Variants in RAI1 observed in about 807,000 individuals in gnomAD.
RAI1 encodes retinoic acid induced 1.
Under a neutral mutation model 123.8 loss-of-function variants are expected in RAI1, and 9 were observed. The ratio of observed to expected loss-of-function variants is 0.07; its 90% CI spans 0.04 to 0.13. RAI1 has a LOEUF of 0.13. Ranked by LOEUF, RAI1 falls within the 10% of genes least tolerant of loss-of-function variation. The pLI is 1.00. For missense variants in RAI1, 2,256 were observed against 2,545.8 expected (o/e 0.89, Z 2.45); for synonymous variants, 1,231 against 1,127.3 (o/e 1.09, Z -1.84).
At chr17:17,807,603 C>G (rs2032619840) in intron 4 of RAI1, among the ~76,000 whole-genome samples, 1 of 152,234 alleles carries the variant, frequency 6.6e-6, no homozygotes, top group African/African-American at 2.4e-5. Context: ...AGGTCAGGAG[C>G]CAGATCACTG....
In RAI1 at chr17:17,809,624, C is replaced by T. The variant is rs937798362; in HGVS notation, c.5709+185C>T. Among the ~76,000 whole-genome samples the T allele has an allele frequency of 4.6e-5, 7 of 152,084 alleles. No individual in the cohort carries two copies. The highest frequency in any genetic ancestry group is 7.4e-5 in the Non-Finnish European group (5 of 67,980). ...GCCGCCGTCCAGCTCAGGTCCCTGT[C>T]CACTTGCGCGCCGCCGCCGCCGAAA... On this transcript the variant is annotated intron_variant, in intron 5 of 5. Transcript: ENST00000353383. This position sits in a 1 kb window ranked among gnomAD's most constrained non-coding sequence, Gnocchi z 4.9.
In RAI1 at chr17:17,797,070, C is replaced by T; in HGVS notation, c.4122C>T (p.Ser1374=). The T allele has an allele frequency of 6.2e-7, 1 of 1,613,960 alleles. No individual in the cohort carries two copies. The highest frequency in any genetic ancestry group is 1.3e-5 in the African/African-American group (1 of 75,048). ...KDRGLKGAGG[S]PVGVEEGLVN... ...GTGGGCTCAAGGGTGCTGGGGGCAG[C>T]CCAGTGGGGGTGGAAGAAGGCCTGG... The change falls in exon 3 of 6, where the codon AGC becomes AGT. Residue 1374 remains serine, a synonymous_variant. Transcript: ENST00000353383.
At chr17:17,792,881 A>G in intron 2 of RAI1, 52 bp from the exon 3 acceptor site, 1 of 304,086 alleles carries the variant, frequency 3.3e-6, no homozygotes, top group Middle Eastern at 7.8e-4. Context: ...CTCCCTGCCC[A>G]TCCTCCCCTC....
In RAI1 at chr17:17,796,529, A is replaced by C; in HGVS notation, c.3581A>C (p.Gln1194Pro). The part of the protein sequence containing the change: ...PATFKVSSSP[Q>P]KEGRVSQRAR... ...ACATTCAAGGTCTCCAGCAGCCCCC[A>C]GAAGGAGGGCAGGGTGAGCCAGCGG... Residue 1194 changes from glutamine to proline, a missense_variant, in exon 3 of 6, where the codon CAG becomes CCG. Around this residue, in one of 7 missense-constraint regions of RAI1, gnomAD observed 322 missense variants for 358.0 expected, o/e 0.90. Transcript: ENST00000353383. The surrounding 1 kb of genome is among the most constrained non-coding windows in gnomAD (Gnocchi z 5.8). The C allele has an allele frequency of 6.2e-7, 1 of 1,611,156 alleles. No individual in the cohort carries two copies.
At chr17:17,774,661 C>T (rs886545528) in intron 2 of RAI1, among the ~76,000 whole-genome samples, 7 of 152,282 alleles carry the variant, frequency 4.6e-5, no homozygotes, top group African/African-American at 1.7e-4. Flanking sequence ...GGCCGCACCT[C>T]CACAGCCAGC....
intron 2 of RAI1, among the ~76,000 whole-genome samples, chr17:17,725,488 C>A (rs1245753428): frequency 6.6e-6 from 1 of 152,134 alleles, no homozygotes; most frequent in Non-Finnish European, 1.5e-5. Flanking sequence ...GGAATGCTAG[C>A]CCAGAAAATT....
chr17:17,811,204 G>T lies in RAI1; in HGVS notation c.*1223G>T. 1 of 331,012 alleles carries T rather than the reference G, an allele frequency of 3.0e-6. No homozygotes were observed. Among genetic ancestry groups the T allele is most frequent in the Non-Finnish European group, 5.9e-6 (1 of 169,506 alleles). 20.5% of individuals were successfully genotyped at this position (331,012 alleles called of 1,614,324 possible). ...TACATATGACTGTAAAATGGTAAAC[G>T]TGTGTATTATATCTGGCCTCGTTAT... is the stretch of plus-strand genomic sequence containing the variant. On this transcript the variant is annotated 3_prime_UTR_variant, in exon 6 of 6. Coordinates refer to ENST00000353383, the MANE Select transcript of RAI1 (RefSeq NM_030665.4).
chr17:17,708,438 A>G (rs1915462114), intron 1 of RAI1, among the ~76,000 whole-genome samples: 1 of 145,096 alleles, frequency 6.9e-6, no homozygotes, highest in African/African-American at 2.6e-5. Context: ...ATATATATAT[A>G]TGTACATTTT....
rs1365058139 is a variant in RAI1 at position 17,795,059 on chromosome 17, G to T, written c.2111G>T (p.Gly704Val). ...FATPDPKKTT[G>V]PLSFGTKPTL... ...ACGCCTGACCCCAAAAAGACAACTG[G>T]TCCTCTCTCCTTTGGTACCAAGCCC... The change falls in exon 3 of 6, where the codon GGT (glycine) becomes GTT (valine). Residue 704 changes from glycine (G) to valine (V), a missense_variant. Physicochemically the swap from Gly to Val is moderately radical, Grantham distance 109 (BLOSUM62 -3). Transcript: ENST00000353383. This position sits in a 1 kb window ranked among gnomAD's most constrained non-coding sequence, Gnocchi z 5.9. 1 of 1,614,130 alleles carries T rather than the reference G, an allele frequency of 6.2e-7. No homozygotes were observed. Among genetic ancestry groups the T allele is most frequent in the Non-Finnish European group, 8.5e-7 (1 of 1,180,036 alleles).
chr17:17,688,743 G>A (rs1280404429), intron 1 of RAI1, among the ~76,000 whole-genome samples: 2 of 151,912 alleles, frequency 1.3e-5, no homozygotes, highest in African/African-American at 4.8e-5. Context: ...GGGACTACAG[G>A]TGTGCGCCAC....
chr17:17,715,139 C>T (rs1294013556), intron 1 of RAI1, among the ~76,000 whole-genome samples: 1 of 152,222 alleles, frequency 6.6e-6, no homozygotes, highest in Non-Finnish European at 1.5e-5. Flanking sequence ...GCTTTCCTGG[C>T]TTAAGGTATG....
chr17:17,799,436 A>G lies in RAI1; in HGVS notation c.5565+923A>G, dbSNP rs1251867872. On this transcript the variant is annotated intron_variant, in intron 3 of 5. Transcript: ENST00000353383. This position sits in a 1 kb window ranked among gnomAD's most constrained non-coding sequence, Gnocchi z 4.5. ...TCTGTGCCCTTCTGAGGGAGGGGTC[A>G]GTGGGGGCGGTGGGGTGCACCTCTC... Among the ~76,000 whole-genome samples the G allele has an allele frequency of 6.6e-6, 1 of 152,092 alleles. No homozygotes were observed. Among genetic ancestry groups the G allele is most frequent in the African/African-American group, 2.4e-5 (1 of 41,400 alleles).
intron 2 of RAI1, among the ~76,000 whole-genome samples, chr17:17,763,198 G>A (rs1396271416): frequency 6.6e-6 from 1 of 152,200 alleles, no homozygotes; most frequent in Non-Finnish European, 1.5e-5. Flanking sequence ...TAGAGAAGGG[G>A]GACAGGTTTA....
chr17:17,687,214 C>T (rs1420739191), intron 1 of RAI1, among the ~76,000 whole-genome samples: 1 of 152,108 alleles, frequency 6.6e-6, no homozygotes, highest in Non-Finnish European at 1.5e-5. Context: ...GAATGCTGTG[C>T]AGAGGCAGGA....
At chr17:17,774,115 C>T (rs1029436531) in intron 2 of RAI1, among the ~76,000 whole-genome samples, 2 of 152,176 alleles carry the variant, frequency 1.3e-5, no homozygotes, top group African/African-American at 4.8e-5. Flanking sequence ...GACTGCTTCT[C>T]AGAACAGGGC....
intron 1 of RAI1, among the ~76,000 whole-genome samples, chr17:17,697,501 C>G (rs769727902): frequency 6.6e-6 from 1 of 152,250 alleles, no homozygotes; most frequent in Non-Finnish European, 1.5e-5. Flanking sequence ...ATATTTAAGA[C>G]CTGTTTCACT....
At chr17:17,803,974 C>T in intron 4 of RAI1, 125 bp downstream of exon 4, 1 of 928,656 alleles carries the variant, frequency 1.1e-6, no homozygotes, top group Non-Finnish European at 1.7e-6. Context: ...CCTCTCTTGC[C>T]CCAGCAATTC....
chr17:17,783,666 G>C (rs971282804), intron 2 of RAI1, among the ~76,000 whole-genome samples: 2 of 152,138 alleles, frequency 1.3e-5, no homozygotes, highest in Non-Finnish European at 2.9e-5. Context: ...GCCCGCACTC[G>C]CTGCCGCAGT....
intron 1 of RAI1, among the ~76,000 whole-genome samples, chr17:17,688,635 G>A (rs1043722296): frequency 1.3e-5 from 2 of 151,888 alleles, no homozygotes; most frequent in South Asian, 2.1e-4. Context: ...TCGCTCTGTC[G>A]CCCAGGCTGG....
Sources: gnomAD v4.1 joint callset for allele counts (sites outside exome capture counted in the v4.1 genomes callset) on GRCh38, gnomAD v4.1.1 for gene constraint, gnomAD v4.1.1 regional missense constraint, Gnocchi (gnomAD v3.1) non-coding constraint, MANE v1.5 for transcripts, NCBI Gene and HGNC (gene_info 2026-07-23, HGNC 2026-07-21) for gene names.